Variants in OR1J2 observed in about 807,000 individuals in gnomAD.
The protein encoded by OR1J2 is olfactory receptor family 1 subfamily J member 2, also known as olfactory receptor 1J2.
For missense variants in OR1J2, 304 were observed against 246.1 expected (o/e 1.24, Z -1.57); for synonymous variants, 142 against 99.7 (o/e 1.42, Z -2.52).
At chr9:122,567,575 C>T in the OR1J2 span, 1 of 1,597,908 alleles carries the variant, frequency 6.3e-7, no homozygotes, top group South Asian at 1.1e-5. Flanking sequence ...TAAGCTTCCT[C>T]AGGCCCTGTT....
the OR1J2 span, among the ~76,000 whole-genome samples, chr9:122,579,318 A>C: frequency 6.6e-6 from 1 of 152,118 alleles, no homozygotes; most frequent in Admixed American, 6.5e-5. Context: ...TTTAATTTGA[A>C]TACATTGTAA....
chr9:122,504,496 G>A, the OR1J2 span, among the ~76,000 whole-genome samples: 1 of 152,090 alleles, frequency 6.6e-6, no homozygotes, highest in African/African-American at 2.4e-5. Flanking sequence ...TAAATGTGAT[G>A]TGTGCTGTCT....
the OR1J2 span, among the ~76,000 whole-genome samples, chr9:122,533,902 C>T: frequency 1.3e-5 from 2 of 152,252 alleles, no homozygotes; most frequent in East Asian, 1.9e-4. Context: ...AGTGTTCAGC[C>T]GCTAAGCCGA....
chr9:122,506,886 C>G (rs754507353), upstream of OR1J2, among the ~76,000 whole-genome samples: 1 of 152,160 alleles, frequency 6.6e-6, no homozygotes, highest in Non-Finnish European at 1.5e-5. Flanking sequence ...TGGATCCTGA[C>G]ATAGAAAACC....
the OR1J2 span, among the ~76,000 whole-genome samples, chr9:122,551,945 T>C: frequency 6.6e-6 from 1 of 151,050 alleles, no homozygotes; most frequent in Non-Finnish European, 1.5e-5. Flanking sequence ...TATTATGAAT[T>C]ATCCATCCAA....
the OR1J2 span, among the ~76,000 whole-genome samples, chr9:122,460,789 G>T: frequency 6.6e-6 from 1 of 152,070 alleles, no homozygotes; most frequent in Non-Finnish European, 1.5e-5. Flanking sequence ...TTTCAGCAGG[G>T]TTTTGTAGTT....
chr9:122,580,346 G>A, the OR1J2 span, among the ~76,000 whole-genome samples: 3 of 152,158 alleles, frequency 2.0e-5, no homozygotes, highest in African/African-American at 4.8e-5. Context: ...AGCCTTCGAC[G>A]TACAGGATGG....
At chr9:122,458,578 A>G in the OR1J2 span, among the ~76,000 whole-genome samples, 1 of 152,238 alleles carries the variant, frequency 6.6e-6, no homozygotes, top group African/African-American at 2.4e-5. Flanking sequence ...GAGCATGTGC[A>G]GGGGAATTGC....
At chr9:122,498,643 G>C in the OR1J2 span, among the ~76,000 whole-genome samples, 3 of 152,130 alleles carry the variant, frequency 2.0e-5, no homozygotes, top group South Asian at 2.1e-4. Flanking sequence ...ATTCCATTTT[G>C]GCTAGGGACC....
chr9:122,500,941 TTATACA>T, the OR1J2 span, among the ~76,000 whole-genome samples: 1 of 152,218 alleles, frequency 6.6e-6, no homozygotes, highest in African/African-American at 2.4e-5. Context: ...AAGGGAACTA[TTATACA>T]TATTCATTGG....
the OR1J2 span, among the ~76,000 whole-genome samples, chr9:122,478,123 ACTTT>A: frequency 1.1e-4 from 17 of 152,344 alleles, no homozygotes; most frequent in African/African-American, 3.1e-4. Context: ...CGATATAGCT[ACTTT>A]CTTTCTGAAT....
the OR1J2 span, among the ~76,000 whole-genome samples, chr9:122,542,607 T>G: frequency 2.0e-5 from 3 of 152,212 alleles, no homozygotes; most frequent in Non-Finnish European, 4.4e-5. Context: ...CCTTTAAAAC[T>G]TTATTATACT....
chr9:122,521,455 C>A, the OR1J2 span, among the ~76,000 whole-genome samples: 3 of 152,202 alleles, frequency 2.0e-5, no homozygotes, highest in Non-Finnish European at 2.9e-5. Context: ...AAAGACCTTA[C>A]TCTTCACTTG....
the OR1J2 span, among the ~76,000 whole-genome samples, chr9:122,523,903 A>C: frequency 6.6e-6 from 1 of 152,226 alleles, no homozygotes; most frequent in Non-Finnish European, 1.5e-5. Flanking sequence ...GATTCAAAGC[A>C]TGCCCTGCTC....
At chr9:122,463,982 G>C in the OR1J2 span, among the ~76,000 whole-genome samples, 29 of 152,320 alleles carry the variant, frequency 1.9e-4, no homozygotes, top group Middle Eastern at 3.4e-3. Context: ...GATTAGGCAG[G>C]GGGTGGGGCC....
At chr9:122,472,565 C>A in the OR1J2 span, among the ~76,000 whole-genome samples, 3 of 152,190 alleles carry the variant, frequency 2.0e-5, no homozygotes, top group Non-Finnish European at 4.4e-5. Flanking sequence ...TTACTGGGTA[C>A]CCCATGCATT....
chr9:122,539,959 GTTGT>G, the OR1J2 span, among the ~76,000 whole-genome samples: 3 of 152,064 alleles, frequency 2.0e-5, no homozygotes, highest in Admixed American at 6.6e-5. Flanking sequence ...TTTTGATGGG[GTTGT>G]TTGTTTTTTT....
chr9:122,486,240 A>G, the OR1J2 span, among the ~76,000 whole-genome samples: 1 of 152,140 alleles, frequency 6.6e-6, no homozygotes, highest in Non-Finnish European at 1.5e-5. Flanking sequence ...GATTACAGGC[A>G]TGAACCGCTG....
the OR1J2 span, among the ~76,000 whole-genome samples, chr9:122,552,236 G>A: frequency 6.6e-6 from 1 of 152,110 alleles, no homozygotes; most frequent in Non-Finnish European, 1.5e-5. Context: ...AAGCTTCTAA[G>A]GCCAAACTTC....
Sources: allele counts gnomAD v4.1 joint callset (sites outside exome capture counted in the v4.1 genomes callset), GRCh38; gene constraint gnomAD v4.1.1; transcripts MANE v1.5; gene names NCBI Gene and HGNC (gene_info 2026-07-23, HGNC 2026-07-21).